Variants in PDE4A observed in about 807,000 individuals in gnomAD.
PDE4A encodes 3',5'-cyclic-AMP phosphodiesterase 4A.
In PDE4A, 21 loss-of-function variants were observed where a neutral mutation model predicts 73.9. That is an observed-to-expected ratio of 0.28 (90% CI 0.20 to 0.41). The LOEUF (loss-of-function observed/expected upper bound fraction) is 0.41. PDE4A is among the 10% of genes least tolerant of loss of function. PDE4A has a pLI of 1.00. For synonymous variants in PDE4A, 463 were observed against 505.4 expected, an observed-to-expected ratio of 0.92 and a Z score of 1.13; for missense variants, 958 against 1,211.4, an observed-to-expected ratio of 0.79 and a Z score of 3.10.
intron 1 of PDE4A, chr19:10,428,816 A>G: frequency 1.0e-6 from 1 of 985,438 alleles, no homozygotes; most frequent in South Asian, 4.7e-5. Context: ...AAGGAAGGAT[A>G]TTTCACAGAG....
rs1445585133 is a variant in PDE4A, at chr19:10,457,902, C to T, written c.901C>T (p.Pro301Ser). 6.2e-7 allele frequency: 1 copy of T among 1,612,176 alleles called. No individual in the cohort carries two copies. Among genetic ancestry groups the T allele is most frequent in the Non-Finnish European group, 8.5e-7 (1 of 1,179,940 alleles). Residue 301 changes from proline to serine, a missense_variant, in exon 8 of 15, where the codon CCA becomes TCA. Pro to Ser is a moderately conservative substitution (Grantham distance 74). This residue lies in a region of PDE4A where 570 missense variants were observed against 827.7 expected (regional missense o/e 0.69). Transcript: ENST00000380702. ...FLDKQNEVEI[P>S]SPTMKEREKQ... Reference sequence around the variant, plus strand: ...AGACAAACAGAATGAAGTGGAGATCCCATCACCCACGATGAAGGAACGAGA... The same window carrying T: ...AGACAAACAGAATGAAGTGGAGATCTCATCACCCACGATGAAGGAACGAGA...
At chr19:10,432,820 T>C (rs1305828164) in intron 1 of PDE4A, among the ~76,000 whole-genome samples, 3 of 152,186 alleles carry the variant, frequency 2.0e-5, no homozygotes, top group Non-Finnish European at 4.4e-5. Context: ...TCACCCTCTT[T>C]GTGTCCTTAA....
At chr19:10,427,212 A>T (rs931739183) in intron 1 of PDE4A, among the ~76,000 whole-genome samples, 3 of 152,112 alleles carry the variant, frequency 2.0e-5, no homozygotes, top group Admixed American at 1.3e-4. Flanking sequence ...AGGCAGGAGA[A>T]CTGCTTGAAC....
intron 13 of PDE4A, 175 bp from the exon 14 acceptor site, chr19:10,463,618 G>A (rs1703763017): frequency 1.4e-6 from 1 of 715,452 alleles, no homozygotes; most frequent in Non-Finnish European, 1.7e-6. Context: ...GGCCAGGCTG[G>A]TCTTGAACTC....
intron 1 of PDE4A, among the ~76,000 whole-genome samples, chr19:10,439,095 T>C (rs1483793746): frequency 1.1e-4 from 16 of 152,122 alleles, no homozygotes. Context: ...ATCCCCACTT[T>C]CAATTCTTTT....
chr19:10,428,845 A>G (rs755263181), intron 1 of PDE4A: 8 of 985,422 alleles, frequency 8.1e-6, no homozygotes, highest in Non-Finnish European at 9.6e-6. Flanking sequence ...GAAAATAGAG[A>G]TTCACTGTTG....
intron 2 of PDE4A, among the ~76,000 whole-genome samples, 173 bp downstream of exon 2, chr19:10,446,582 CTTTTTTT>C (rs61359557): frequency 7.0e-6 from 1 of 143,238 alleles, no homozygotes; most frequent in African/African-American, 2.5e-5. Context: ...GGCTCAGTTC[CTTTTTTT>C]TTTTTTTTCT....
intron 1 of PDE4A, among the ~76,000 whole-genome samples, chr19:10,443,881 C>T (rs2145514867): frequency 6.6e-6 from 1 of 151,638 alleles, no homozygotes; most frequent in Non-Finnish European, 1.5e-5. Flanking sequence ...GTGGCAGGTG[C>T]CTGTAATCCC....
rs1473796609 is a variant in PDE4A at position 10,454,227 on chromosome 19, C to T, written c.784-602C>T. On this transcript the variant is annotated intron_variant, in intron 6 of 14. Transcript: ENST00000380702. ...CTGGGTGATCAAACTGGGATTTCCTCAGCTCACCATTCTCCCCTACCCCGG... is the reference window on the plus strand; with the variant it reads ...CTGGGTGATCAAACTGGGATTTCCTTAGCTCACCATTCTCCCCTACCCCGG... 2.6e-5 allele frequency among the ~76,000 whole-genome samples: 4 copies of T among 152,122 alleles called. No homozygotes were observed. In the South Asian group the frequency reaches 6.2e-4, roughly 24 times the overall value.
At position 10,453,441 on chromosome 19, in the gene PDE4A, CTG is replaced by C; in HGVS notation, c.784-1386_784-1385del. On this transcript the variant is annotated intron_variant, in intron 6 of 14. Coordinates refer to ENST00000380702, the MANE Select transcript of PDE4A (RefSeq NM_001111307.2). This position sits in a 1 kb window ranked among gnomAD's most constrained non-coding sequence, Gnocchi z 4.6. ...GTGGCCTGGAGATGAAGCCTTGTGA[CTG>C]TCTCTGTGTGTGGCCCAGGGCTGGG... 7.6e-7 allele frequency: 1 copy of C among 1,313,838 alleles called. No homozygotes were observed. Among genetic ancestry groups the C allele is most frequent in the East Asian group, 2.7e-5 (1 of 37,382 alleles). 81.4% of individuals were successfully genotyped at this position (1,313,838 alleles called of 1,614,324 possible).
At chr19:10,462,048 C>T in intron 13 of PDE4A, 49 bp downstream of exon 13, 1 of 1,519,626 alleles carries the variant, frequency 6.6e-7, no homozygotes, top group African/African-American at 1.4e-5. Flanking sequence ...CCCCCAGCCA[C>T]ACCTTTAGGT....
At chr19:10,448,890 C>G in intron 2 of PDE4A, 27 bp from the exon 3 acceptor site, 1 of 1,613,708 alleles carries the variant, frequency 6.2e-7, no homozygotes, top group Non-Finnish European at 8.5e-7. Flanking sequence ...CTGCGGACCC[C>G]TGACCTGCCT....
chr19:10,466,462 A>AAGT (rs1156315458), intron 14 of PDE4A, among the ~76,000 whole-genome samples: 1 of 144,408 alleles, frequency 6.9e-6, no homozygotes, highest in African/African-American at 2.5e-5. Context: ...AAAAAAAAAA[A>AAGT]GTGTGTGTGT....
chr19:10,450,467 G>T, intron 4 of PDE4A, 136 bp from the exon 5 acceptor site: 1 of 1,433,376 alleles, frequency 7.0e-7, no homozygotes, highest in South Asian at 1.5e-5. Context: ...GCTGCAGGCA[G>T]AGTACATGGC....
intron 1 of PDE4A, 91 bp from the exon 2 acceptor site, chr19:10,446,127 C>A: frequency 6.7e-7 from 1 of 1,489,514 alleles, no homozygotes; most frequent in South Asian, 1.3e-5. Context: ...GCATTACAGG[C>A]GTGAGCCACC....
intron 1 of PDE4A, among the ~76,000 whole-genome samples, chr19:10,425,770 G>A (rs2042708936): frequency 6.6e-6 from 1 of 152,036 alleles, no homozygotes; most frequent in South Asian, 2.1e-4. Context: ...TGGATTATTT[G>A]AGGTCAGGAA....
At chr19:10,466,458 A>C (rs1171282364) in intron 14 of PDE4A, among the ~76,000 whole-genome samples, 1 of 149,232 alleles carries the variant, frequency 6.7e-6, no homozygotes, top group South Asian at 2.1e-4. Flanking sequence ...AAAAAAAAAA[A>C]AAAAGTGTGT....
upstream of PDE4A, among the ~76,000 whole-genome samples, chr19:10,419,810 T>C (rs2042625950): frequency 1.3e-5 from 2 of 151,784 alleles, no homozygotes; most frequent in African/African-American, 4.8e-5. Context: ...ACATTCACAG[T>C]CCCCAGGCCA....
chr19:10,429,221 A>AAAAG (rs753035139), intron 1 of PDE4A, among the ~76,000 whole-genome samples: 3 of 151,014 alleles, frequency 2.0e-5, no homozygotes, highest in Non-Finnish European at 4.4e-5. Flanking sequence ...GGAGAAAAGG[A>AAAAG]AAAGAAAGAA....
Sources: allele counts gnomAD v4.1 joint callset (sites outside exome capture counted in the v4.1 genomes callset), GRCh38; gene constraint gnomAD v4.1.1; regional missense constraint gnomAD v4.1.1; non-coding constraint Gnocchi (gnomAD v3.1); transcripts MANE v1.5; gene names NCBI Gene and HGNC (gene_info 2026-07-23, HGNC 2026-07-21).